The following CDH4 variants were observed in gnomAD, a reference collection of about 807,000 sequenced individuals.
CDH4 encodes cadherin 4, also known as cadherin-4.
A neutral mutation model predicts 86.0 loss-of-function variants in CDH4; 33 were observed. The observed-to-expected ratio is 0.38, with a 90% CI of 0.29 to 0.51. The LOEUF is 0.51. Ranked by LOEUF, CDH4 falls within the 20% of genes least tolerant of loss-of-function variation. The pLI is 0.86. For synonymous variants in CDH4, 555 were observed against 549.4 expected, an observed-to-expected ratio of 1.01 and a Z score of -0.14; for missense variants, 1,114 against 1,307.4, an observed-to-expected ratio of 0.85 and a Z score of 2.28.
chr20:61,895,414 G>A (rs541522499), intron 8 of CDH4, among the ~76,000 whole-genome samples: 4 of 152,340 alleles, frequency 2.6e-5, no homozygotes, highest in Non-Finnish European at 5.9e-5. Context: ...TTGGCATGGC[G>A]GGTCCATCCC....
At chr20:61,892,905 A>AGAGG (rs1402922854) in intron 7 of CDH4, among the ~76,000 whole-genome samples, 1 of 151,636 alleles carries the variant, frequency 6.6e-6, no homozygotes, top group Non-Finnish European at 1.5e-5. Flanking sequence ...AAAGGTAGAA[A>AGAGG]GAGGGAGGGA....
chr20:61,285,564 C>A (rs1422351283), intron 2 of CDH4, among the ~76,000 whole-genome samples: 1 of 152,136 alleles, frequency 6.6e-6, no homozygotes, highest in African/African-American at 2.4e-5. Flanking sequence ...TTTTGCCGGG[C>A]AGATAATGAT....
At chr20:61,410,084 C>G (rs1486373286) in intron 2 of CDH4, among the ~76,000 whole-genome samples, 1 of 152,238 alleles carries the variant, frequency 6.6e-6, no homozygotes, top group Admixed American at 6.5e-5. Context: ...GCTGCTTGAT[C>G]CCATGAGAAT....
chr20:61,468,723 T>C (rs1486338585), intron 2 of CDH4, among the ~76,000 whole-genome samples: 1 of 152,170 alleles, frequency 6.6e-6, no homozygotes, highest in Non-Finnish European at 1.5e-5. Flanking sequence ...TCCATCCTTC[T>C]ACTAGTAACC....
At chr20:61,448,557 T>C (rs2085364483) in intron 2 of CDH4, among the ~76,000 whole-genome samples, 1 of 152,136 alleles carries the variant, frequency 6.6e-6, no homozygotes, top group Non-Finnish European at 1.5e-5. Context: ...GGGAAGATAA[T>C]GGGTGTCTCT....
intron 5 of CDH4, among the ~76,000 whole-genome samples, chr20:61,847,727 G>A (rs1228635080): frequency 6.6e-6 from 1 of 152,182 alleles, no homozygotes; most frequent in African/African-American, 2.4e-5. Flanking sequence ...GAGGCCTCAG[G>A]AAGCTTCCAC....
chr20:61,919,994 G>T, intron 9 of CDH4, among the ~76,000 whole-genome samples: 1 of 132,708 alleles, frequency 7.5e-6, no homozygotes, highest in African/African-American at 2.8e-5. Context: ...TGATTGCATG[G>T]AAGTGTGGTG....
At chr20:61,699,174 A>ATC (rs2087746560) in intron 2 of CDH4, among the ~76,000 whole-genome samples, 4 of 152,142 alleles carry the variant, frequency 2.6e-5, no homozygotes, top group African/African-American at 9.7e-5. Flanking sequence ...AGGCGCTCTG[A>ATC]CCTTCTCCGT....
rs138720980 is a variant in CDH4, at chr20:61,504,881, G to A, written c.170-238682G>A. ...TACACGCGTCCTCATCACCTTCACC[G>A]TTTCCTCTCCAAGGGCTTGATTTAG... On this transcript the variant is annotated intron_variant, in intron 2 of 15. Transcript: ENST00000614565. Among the ~76,000 whole-genome samples the A allele has an allele frequency of 1.0e-3, 154 of 152,208 alleles. No individual in the cohort carries two copies. The East Asian group carries it at 0.021, about 21-fold the overall frequency.
chr20:61,492,283 G>A (rs952133874), intron 2 of CDH4, among the ~76,000 whole-genome samples: 4 of 151,342 alleles, frequency 2.6e-5, no homozygotes, highest in African/African-American at 4.8e-5. Context: ...GTTGATGTTG[G>A]TGGTGTTGAT....
chr20:61,259,270 A>G (rs1379198335), intron 2 of CDH4, among the ~76,000 whole-genome samples: 1 of 152,242 alleles, frequency 6.6e-6, no homozygotes. Context: ...CATTTCTGCC[A>G]CACTGCATGG....
intron 2 of CDH4, among the ~76,000 whole-genome samples, chr20:61,413,457 C>G (rs1278097700): frequency 6.6e-6 from 1 of 152,156 alleles, no homozygotes; most frequent in African/African-American, 2.4e-5. Flanking sequence ...TAGCTGGTGA[C>G]CTGAGTCTGT....
At position 61,910,539 on chromosome 20, in the gene CDH4, G is replaced by T; in HGVS notation, c.1306G>T (p.Asp436Tyr). Residue 436 changes from aspartate (D) to tyrosine (Y), a missense_variant, in exon 9 of 16, where the codon GAT becomes TAT. Transcript: ENST00000614565. The part of the protein sequence containing the change: ...WNAVYRIISG[D>Y]PSGHFSVRTD... ...TGCCGTTTACCGCATCATCAGTGGG[G>T]ATCCATCCGGGCACTTCAGCGTCCG... The T allele has an allele frequency of 6.2e-7, 1 of 1,613,994 alleles. No individual in the cohort carries two copies. The highest frequency in any genetic ancestry group is 8.5e-7 in the Non-Finnish European group (1 of 1,180,034).
At chr20:61,763,869 A>G (rs954395585) in intron 3 of CDH4, among the ~76,000 whole-genome samples, 3 of 152,202 alleles carry the variant, frequency 2.0e-5, no homozygotes, top group African/African-American at 7.2e-5. Flanking sequence ...AACTTTTCGC[A>G]TGTAGCTTGG....
rs72629012 is a variant in CDH4, at chr20:61,313,249, G to A, written c.169+58312G>A. 7.2e-3 allele frequency among the ~76,000 whole-genome samples: 1,097 copies of A among 152,268 alleles called. 62 individuals are homozygous for A. The East Asian group carries it at 0.15, about 20-fold the overall frequency. The stretch of plus-strand genomic sequence containing the variant: ...GATGAGGGATTTGCGGAGTGGTTCA[G>A]CATGCTTCACTGTGAGTCTCCAGCC... On this transcript the variant is annotated intron_variant, in intron 2 of 15. Transcript: ENST00000614565.
chr20:61,299,697 A>G (rs1452888487), intron 2 of CDH4, among the ~76,000 whole-genome samples: 1 of 152,044 alleles, frequency 6.6e-6, no homozygotes, highest in Non-Finnish European at 1.5e-5. Context: ...CCCATGCCTC[A>G]CCCTTGAAAG....
intron 2 of CDH4, among the ~76,000 whole-genome samples, chr20:61,548,942 C>A (rs1164227925): frequency 6.6e-6 from 1 of 150,794 alleles, no homozygotes; most frequent in Admixed American, 6.6e-5. Context: ...GAGTGCAAGT[C>A]ATGTATCTTG....
intron 2 of CDH4, among the ~76,000 whole-genome samples, chr20:61,295,939 G>C (rs1464642683): frequency 6.6e-6 from 1 of 152,214 alleles, no homozygotes; most frequent in East Asian, 1.9e-4. Flanking sequence ...GAGTGAGAAA[G>C]TGCCATGGGT....
chr20:61,815,349 G>A (rs977333444), intron 4 of CDH4, among the ~76,000 whole-genome samples: 46 of 152,212 alleles, frequency 3.0e-4, no homozygotes, highest in East Asian at 1.3e-3. Flanking sequence ...TTGTGCCCAC[G>A]AAGGATTTGC....
Sources: gnomAD v4.1 joint callset for allele counts (sites outside exome capture counted in the v4.1 genomes callset) on GRCh38, gnomAD v4.1.1 for gene constraint, MANE v1.5 for transcripts, NCBI Gene and HGNC (gene_info 2026-07-23, HGNC 2026-07-21) for gene names.